Variants in NBEA observed in about 807,000 individuals in gnomAD.
NBEA encodes neurobeachin, also known as lysosomal-trafficking regulator 2.
In NBEA, 44 loss-of-function variants were observed where a neutral mutation model predicts 343.4. That is an observed-to-expected ratio of 0.13 (90% CI 0.10 to 0.16). NBEA has a LOEUF of 0.16. NBEA is among the 10% of genes least tolerant of loss of function. The pLI, the probability that NBEA is intolerant of heterozygous loss-of-function variation, is 1.00. For synonymous variants in NBEA, 1,175 were observed against 1,238.7 expected, an observed-to-expected ratio of 0.95 and a Z score of 1.08; for missense variants, 2,555 against 3,631.3, an observed-to-expected ratio of 0.70 and a Z score of 7.62.
At chr13:35,455,543 G>T (rs117952757) in intron 40 of NBEA, among the ~76,000 whole-genome samples, 4,554 of 152,102 alleles carry the variant, frequency 0.03, 107 homozygotes, top group Non-Finnish European at 0.045. Context: ...TGTATTTTCT[G>T]CCTGTTGAGA....
intron 46 of NBEA, among the ~76,000 whole-genome samples, chr13:35,588,992 A>G (rs2081407060): frequency 6.6e-6 from 1 of 152,178 alleles, no homozygotes; most frequent in African/African-American, 2.4e-5. Context: ...TTAAAAGTAT[A>G]TATGTATAGT....
chr13:35,298,947 T>C, intron 35 of NBEA, among the ~76,000 whole-genome samples: 1 of 152,216 alleles, frequency 6.6e-6, no homozygotes, highest in East Asian at 1.9e-4. Flanking sequence ...CTTTAAATAC[T>C]TCACATATAT....
In NBEA at chr13:35,665,146, T is replaced by A; in HGVS notation, c.8424T>A (p.Ser2808=). The A allele has an allele frequency of 6.3e-7, 1 of 1,592,276 alleles. No homozygotes were observed. The highest frequency in any genetic ancestry group is 8.6e-7 in the Non-Finnish European group (1 of 1,167,522). The change falls in exon 56 of 59, where the codon TCT becomes TCA. Residue 2808 remains serine, a synonymous_variant. Transcript: ENST00000379939. ...TGHDHEVVCV[S]VCAELGLVIS... is the part of the protein sequence containing the mutation. ...ATGACCATGAAGTTGTCTGTGTTTCTGTCTGTGCAGAACTTGGGCTTGTTA... is the reference window on the plus strand; with the variant it reads ...ATGACCATGAAGTTGTCTGTGTTTCAGTCTGTGCAGAACTTGGGCTTGTTA...
chr13:35,182,643 G>T, intron 29 of NBEA, 115 bp downstream of exon 29: 1 of 968,162 alleles, frequency 1.0e-6, no homozygotes. Context: ...ATTTATGAAT[G>T]GTTGGTATAG....
intron 36 of NBEA, among the ~76,000 whole-genome samples, chr13:35,343,124 T>C (rs2039678653): frequency 6.6e-6 from 1 of 152,100 alleles, no homozygotes; most frequent in African/African-American, 2.4e-5. Context: ...TTTTAAAAAA[T>C]ATTTCAAGGG....
intron 41 of NBEA, among the ~76,000 whole-genome samples, chr13:35,527,675 GA>G (rs1459455552): frequency 6.6e-6 from 1 of 152,222 alleles, no homozygotes; most frequent in African/African-American, 2.4e-5. Flanking sequence ...TGGGAGCCAG[GA>G]GAGGCCAGGG....
chr13:35,139,889 G>A (rs555437771), intron 17 of NBEA, among the ~76,000 whole-genome samples: 19 of 151,566 alleles, frequency 1.3e-4, no homozygotes, highest in African/African-American at 4.1e-4. Flanking sequence ...AGTTTCCCCC[G>A]AACCTAGAAT....
At chr13:35,175,646 G>T (rs2070838369) in intron 27 of NBEA, among the ~76,000 whole-genome samples, 1 of 152,262 alleles carries the variant, frequency 6.6e-6, no homozygotes, top group African/African-American at 2.4e-5. Flanking sequence ...TGAAAAATGG[G>T]TAAGTAGCGA....
intron 39 of NBEA, among the ~76,000 whole-genome samples, chr13:35,433,900 A>C (rs1381851497): frequency 6.6e-6 from 1 of 152,054 alleles, no homozygotes; most frequent in East Asian, 1.9e-4. Context: ...CATTTAACCA[A>C]TAATTTAGAC....
intron 38 of NBEA, among the ~76,000 whole-genome samples, chr13:35,430,911 G>T (rs1169852366): frequency 6.6e-6 from 1 of 151,994 alleles, no homozygotes; most frequent in East Asian, 1.9e-4. Flanking sequence ...TTGTAATTAT[G>T]ATGTACAGGA....
intron 41 of NBEA, among the ~76,000 whole-genome samples, chr13:35,516,300 G>A (rs2077485046): frequency 6.6e-6 from 1 of 152,076 alleles, no homozygotes; most frequent in South Asian, 2.1e-4. Context: ...AAGGCTGATA[G>A]CCAGATAATA....
At chr13:35,099,766 T>C (rs779054607) in intron 11 of NBEA, among the ~76,000 whole-genome samples, 2 of 152,198 alleles carry the variant, frequency 1.3e-5, no homozygotes, top group Non-Finnish European at 2.9e-5. Flanking sequence ...TATGTTGTTT[T>C]ATGACCTCTT....
chr13:34,969,473 A>G (rs2059930433), intron 1 of NBEA, among the ~76,000 whole-genome samples: 1 of 151,904 alleles, frequency 6.6e-6, no homozygotes, highest in African/African-American at 2.4e-5. Context: ...AATATGTGTC[A>G]TGGGGGTTTG....
intron 28 of NBEA, among the ~76,000 whole-genome samples, chr13:35,178,481 A>G (rs1394492214): frequency 2.0e-5 from 3 of 151,710 alleles, no homozygotes; most frequent in Non-Finnish European, 1.5e-5. Context: ...GAAAATGATC[A>G]TGATATATTT....
chr13:35,160,080 G>A, intron 22 of NBEA, 48 bp downstream of exon 22: 1 of 1,447,820 alleles, frequency 6.9e-7, no homozygotes. Flanking sequence ...ATGCATTGAA[G>A]AGTTGTTAGC....
At chr13:35,131,158 G>A (rs898068189) in intron 17 of NBEA, among the ~76,000 whole-genome samples, 10 of 152,038 alleles carry the variant, frequency 6.6e-5, no homozygotes, top group Non-Finnish European at 1.5e-4. Flanking sequence ...CAGAGTAACG[G>A]CAAGGCCAAA....
intron 1 of NBEA, among the ~76,000 whole-genome samples, chr13:34,972,594 A>G (rs1318725191): frequency 1.3e-5 from 2 of 152,158 alleles, no homozygotes; most frequent in Non-Finnish European, 2.9e-5. Context: ...CCCAAAAGTC[A>G]TTTAGGACCA....
intron 46 of NBEA, 91 bp downstream of exon 46, chr13:35,584,129 T>G: frequency 8.2e-7 from 1 of 1,221,252 alleles, no homozygotes; most frequent in Admixed American, 2.0e-5. Context: ...TGTAATTTGA[T>G]TAACAAAGAT....
At chr13:35,349,426 A>G (rs1443557220) in intron 37 of NBEA, among the ~76,000 whole-genome samples, 1 of 152,102 alleles carries the variant, frequency 6.6e-6, no homozygotes, top group African/African-American at 2.4e-5. Flanking sequence ...TCTGCCCTAT[A>G]TATGCCTAAC....
Sources: gnomAD v4.1 joint callset for allele counts (sites outside exome capture counted in the v4.1 genomes callset) on GRCh38, gnomAD v4.1.1 for gene constraint, MANE v1.5 for transcripts, NCBI Gene and HGNC (gene_info 2026-07-23, HGNC 2026-07-21) for gene names.